Variants in TRPM4 observed in about 807,000 individuals in gnomAD.
The protein encoded by TRPM4 is transient receptor potential cation channel subfamily M member 4, also known as calcium-activated non-selective cation channel 1.
TRPM4 carries 124 observed loss-of-function variants against 135.6 expected under a neutral mutation model. The observed-to-expected ratio is 0.91, with a 90% CI of 0.79 to 1.06. The LOEUF is 1.06. TRPM4 is among the 50% of genes least tolerant of loss of function. The pLI, the probability that TRPM4 is intolerant of heterozygous loss-of-function variation, is 0.00. For synonymous variants in TRPM4, 745 were observed against 705.6 expected, an observed-to-expected ratio of 1.06 and a Z score of -0.88; for missense variants, 1,658 against 1,671.4, an observed-to-expected ratio of 0.99 and a Z score of 0.14.
chr19:49,198,380 C>T (rs1968778008), intron 17 of TRPM4, among the ~76,000 whole-genome samples: 1 of 152,256 alleles, frequency 6.6e-6, no homozygotes, highest in Middle Eastern at 3.4e-3. Flanking sequence ...GGCGTGGTGG[C>T]TCATGCCTGT....
intron 17 of TRPM4, among the ~76,000 whole-genome samples, chr19:49,197,358 TTCTTTCTC>T (rs1216343299): frequency 3.4e-4 from 34 of 100,562 alleles, no homozygotes; most frequent in East Asian, 1.3e-3. Context: ...CTTTCTTTCT[TTCTTTCTC>T]TCTCTTTCTT....
At chr19:49,181,530 C>CA in intron 10 of TRPM4, 69 bp downstream of exon 10, 2 of 518,076 alleles carry the variant, frequency 3.9e-6, no homozygotes, top group Non-Finnish European at 6.3e-6. Context: ...TCTCTGCCTT[C>CA]TTTTTTTTTT....
Position 49,157,865 on chromosome 19 carries a change from G to A in TRPM4, c.-2G>A, listed in dbSNP as rs2041541626. ...GCAGGAGGTTGCGGCGGCCGCGGCA[G>A]CATGGTGGTGCCGGAGAAGGAGCAG... On this transcript the variant is annotated 5_prime_UTR_variant, in exon 1 of 25. Transcript: ENST00000252826. 2 of 1,534,822 alleles carry A rather than the reference G, an allele frequency of 1.3e-6. No individual in the cohort carries two copies. Among genetic ancestry groups the A allele is most frequent in the East Asian group, 2.4e-5 (1 of 40,888 alleles).
chr19:49,202,252 C>A, intron 20 of TRPM4, 111 bp downstream of exon 20: 1 of 1,283,166 alleles, frequency 7.8e-7, no homozygotes, highest in Non-Finnish European at 1.1e-6. Flanking sequence ...AACTCTGATC[C>A]AATCTAATGC....
chr19:49,196,497 G>A lies in TRPM4; in HGVS notation c.2268G>A (p.Pro756=), dbSNP rs752448175. The change falls in exon 17 of 25, where the codon CCG becomes CCA. Residue 756 remains proline, a synonymous_variant. Transcript: ENST00000252826. The part of the protein sequence containing the change: ...PLGVPRQSGR[P]GCCGGRCGGR... ...GGGTCCCGCGCCAGTCGGGCCGTCC[G>A]GGTTGCTGCGGGGGCCGCTGCGGGG... 10 of 1,555,420 alleles carry A rather than the reference G, an allele frequency of 6.4e-6. No homozygotes were observed. The African/African-American group carries it at 9.5e-5, about 15-fold the overall frequency.
chr19:49,208,323 AACTCCCCCGGGGAAAGGGAG>A (rs1263048375), intron 20 of TRPM4, among the ~76,000 whole-genome samples: 10 of 151,208 alleles, frequency 6.6e-5, no homozygotes, highest in Non-Finnish European at 1.0e-4. Flanking sequence ...GTCTTCTCTA[AACTCCCCCGGGGAAAGGGAG>A]ACTCCCTTTC....
chr19:49,190,425 C>A, intron 15 of TRPM4, 105 bp downstream of exon 15: 1 of 1,083,502 alleles, frequency 9.2e-7, no homozygotes, highest in Non-Finnish European at 1.4e-6. Flanking sequence ...CATTGTGTCC[C>A]TTCCCTAGGA....
At position 49,171,571 on chromosome 19, in the gene TRPM4, C is replaced by T; in HGVS notation, c.859-7C>T. 6.2e-7 allele frequency: 1 copy of T among 1,613,918 alleles called. No homozygotes were observed. The highest frequency in any genetic ancestry group is 8.5e-7 in the Non-Finnish European group (1 of 1,179,950). ...CGTGATGAATAAAGAATGCCTTTAT[C>T]CTGTAGCGAATAGAGAACGCCACCC... is the stretch of plus-strand genomic sequence containing the variant. On this transcript the variant is annotated splice_region_variant and splice_polypyrimidine_tract_variant and intron_variant, in intron 7 of 24. Coordinates refer to ENST00000252826, the MANE Select transcript of TRPM4 (RefSeq NM_017636.4). This position sits in a 1 kb window ranked among gnomAD's most constrained non-coding sequence, Gnocchi z 4.7.
At chr19:49,158,568 CT>C in intron 2 of TRPM4, 2 of 406,420 alleles carry the variant, frequency 4.9e-6, no homozygotes, top group Non-Finnish European at 8.9e-6. Flanking sequence ...CTGTCTTTCC[CT>C]TTTGGGTATT....
intron 19 of TRPM4, 83 bp downstream of exon 19, chr19:49,200,868 AT>A (rs1968904045): frequency 6.9e-7 from 1 of 1,450,576 alleles, no homozygotes; most frequent in Non-Finnish European, 9.5e-7. Flanking sequence ...CTCTAAGAAA[AT>A]ATCTGTCTCT....
chr19:49,185,964 T>A (rs1213113510), intron 12 of TRPM4, among the ~76,000 whole-genome samples: 1 of 152,200 alleles, frequency 6.6e-6, no homozygotes, highest in Non-Finnish European at 1.5e-5. Flanking sequence ...TTAGCCAGGC[T>A]GGTCTCAAAC....
At chr19:49,202,690 C>G (rs1168840683) in intron 20 of TRPM4, among the ~76,000 whole-genome samples, 1 of 151,774 alleles carries the variant, frequency 6.6e-6, no homozygotes, top group African/African-American at 2.4e-5. Context: ...TTCCCACTCC[C>G]CCATACCCAG....
Position 49,197,342 on chromosome 19 carries a change from T to C in TRPM4, c.2645+468T>C, listed in dbSNP as rs192568503. Among the ~76,000 whole-genome samples, 1,204 of 129,638 alleles carry C rather than the reference T, an allele frequency of 9.3e-3. 17 individuals are homozygous for C. The highest frequency in any genetic ancestry group is 0.037 in the African/African-American group (931 of 24,858). 85.0% of individuals were successfully genotyped at this position (129,638 alleles called of 152,430 possible). A position where few individuals can be genotyped will look rare whatever the true frequency, so the allele number is the denominator to read the frequency against. ...TTTCTTTCTTTCTTTCTTTCTTTCT[T>C]TCTTTCTTTCTTTCTTTCTTTCTCT... On this transcript the variant is annotated intron_variant, in intron 17 of 24. Transcript: ENST00000252826.
Position 49,168,001 on chromosome 19 carries a change from G to C in TRPM4, c.352G>C (p.Val118Leu), listed in dbSNP as rs1174577073. ...RTWGFRAPNL[V>L]VSVLGGSGGP... is the part of the protein sequence containing the mutation. ...ATGGGGCTTCCGTGCCCCGAACCTG[G>C]TGGTGTCAGTGCTGGGGGGATCGGG... Residue 118 changes from valine to leucine, a missense_variant, in exon 4 of 25, where the codon GTG (valine) becomes CTG (leucine). This residue lies in a region of TRPM4 where 239 missense variants were observed against 240.1 expected (regional missense o/e 1.00). Transcript: ENST00000252826. 1 of 1,613,854 alleles carries C rather than the reference G, an allele frequency of 6.2e-7. No individual in the cohort carries two copies. The highest frequency in any genetic ancestry group is 2.2e-5 in the East Asian group (1 of 44,886).
At chr19:49,184,119 T>G (rs1213442530) in intron 12 of TRPM4, among the ~76,000 whole-genome samples, 1 of 152,178 alleles carries the variant, frequency 6.6e-6, no homozygotes, top group African/African-American at 2.4e-5. Flanking sequence ...CTTTTGTCTT[T>G]CATCACATTT....
chr19:49,167,854 C>G, intron 3 of TRPM4, 63 bp from the exon 4 acceptor site: 1 of 1,469,918 alleles, frequency 6.8e-7, no homozygotes, highest in Non-Finnish European at 9.5e-7. Context: ...CTCTGGGTCT[C>G]TGTCCCCGTC....
At chr19:49,184,488 T>C (rs1968122163) in intron 12 of TRPM4, among the ~76,000 whole-genome samples, 1 of 116,486 alleles carries the variant, frequency 8.6e-6, no homozygotes, top group Non-Finnish European at 1.6e-5. Flanking sequence ...TGAGACAGAG[T>C]CTCGCTCAGT....
intron 9 of TRPM4, among the ~76,000 whole-genome samples, chr19:49,174,681 G>A (rs1010046028): frequency 1.3e-5 from 2 of 148,804 alleles, no homozygotes; most frequent in East Asian, 4.0e-4. Context: ...GGAATCGCTC[G>A]AACCTAGGAG....
intron 9 of TRPM4, among the ~76,000 whole-genome samples, chr19:49,174,790 C>A (rs16981121): frequency 0.066 from 9,884 of 150,510 alleles, 425 homozygotes; most frequent in East Asian, 0.15. Context: ...ATAAACTGGA[C>A]CTTGATAAGT....
Sources: allele counts gnomAD v4.1 joint callset (sites outside exome capture counted in the v4.1 genomes callset), GRCh38; gene constraint gnomAD v4.1.1; regional missense constraint gnomAD v4.1.1; non-coding constraint Gnocchi (gnomAD v3.1); transcripts MANE v1.5; gene names NCBI Gene and HGNC (gene_info 2026-07-23, HGNC 2026-07-21).